PDE1C: variants seen among roughly 807,000 people sequenced by gnomAD.
PDE1C encodes the protein dual specificity calcium/calmodulin-dependent 3',5'-cyclic nucleotide phosphodiesterase 1C.
PDE1C carries 62 observed loss-of-function variants against 93.1 expected under a neutral mutation model. The ratio of observed to expected loss-of-function variants is 0.67; its 90% CI spans 0.54 to 0.82. The LOEUF is 0.82. PDE1C is among the 40% of genes least tolerant of loss of function. The pLI, the probability that PDE1C is intolerant of heterozygous loss-of-function variation, is 0.00. For synonymous variants in PDE1C, 325 were observed against 310.1 expected (o/e 1.05, Z -0.50); for missense variants, 742 against 884.6 (o/e 0.84, Z 2.04).
the PDE1C span, among the ~76,000 whole-genome samples, chr7:31,624,642 A>C: frequency 3.3e-5 from 5 of 149,550 alleles, no homozygotes; most frequent in East Asian, 2.0e-4. Flanking sequence ...TAAAGACTTA[A>C]ACGTTAGACC....
At chr7:31,708,011 T>C in the PDE1C span, 1 of 152,230 alleles carries the variant, frequency 6.6e-6, no homozygotes, top group Non-Finnish European at 1.5e-5. Context: ...GTGAGTTGTG[T>C]CACAAGTGAG....
intron 2 of PDE1C, among the ~76,000 whole-genome samples, chr7:32,197,106 C>T (rs1804680680): frequency 6.6e-6 from 1 of 152,104 alleles, no homozygotes; most frequent in Admixed American, 6.6e-5. Context: ...ATGCTTCCTT[C>T]AACTAGAAAT....
chr7:31,986,926 A>AT (rs1297108214), intron 2 of PDE1C, among the ~76,000 whole-genome samples: 19 of 125,244 alleles, frequency 1.5e-4, no homozygotes, highest in African/African-American at 6.0e-4. Context: ...TTCATTGAAC[A>AT]CGAACACACA....
In PDE1C at chr7:32,258,973, G is replaced by A. The variant is rs540792510; in HGVS notation, c.85+39678C>T. Among the ~76,000 whole-genome samples, 9 of 152,280 alleles carry A rather than the reference G, an allele frequency of 5.9e-5. No homozygotes were observed. The South Asian group carries it at 1.9e-3, about 32-fold the overall frequency. ...GATTGAAAGAGGGAATGTCCATGGT[G>A]CGCCCAGGACTGAGGAGGTCCTCAG... is the stretch of plus-strand genomic sequence containing the variant. On this transcript the variant is annotated intron_variant, in intron 1 of 18. Coordinates refer to the PDE1C transcript ENST00000396193.
the PDE1C span, chr7:31,651,903 T>G: frequency 6.2e-6 from 9 of 1,449,164 alleles, no homozygotes; most frequent in Non-Finnish European, 7.6e-6. Flanking sequence ...TGGGAAGGAT[T>G]GTTAAATTTG....
intron 1 of PDE1C, among the ~76,000 whole-genome samples, chr7:32,261,749 G>A (rs532282224): frequency 1.3e-5 from 2 of 152,216 alleles, no homozygotes; most frequent in East Asian, 3.8e-4. Context: ...AGAACAATGT[G>A]AATCAGAAAA....
intron 2 of PDE1C, among the ~76,000 whole-genome samples, chr7:31,977,989 T>A (rs993422008): frequency 6.6e-6 from 1 of 152,152 alleles, no homozygotes; most frequent in Non-Finnish European, 1.5e-5. Flanking sequence ...AGAACTACAA[T>A]CATCCTCACT....
intron 1 of PDE1C, among the ~76,000 whole-genome samples, chr7:32,325,519 C>T (rs1783388485): frequency 6.6e-6 from 1 of 152,226 alleles, no homozygotes; most frequent in African/African-American, 2.4e-5. Flanking sequence ...ACACCTTTTC[C>T]TCTGTTCTAC....
the PDE1C span, among the ~76,000 whole-genome samples, chr7:31,638,767 CTTTT>C: frequency 2.6e-5 from 4 of 151,864 alleles, no homozygotes; most frequent in Non-Finnish European, 4.4e-5. Context: ...ATTTTTCTTT[CTTTT>C]GTTTTTCGTT....
chr7:31,958,027 T>G (rs2129026433), intron 2 of PDE1C, among the ~76,000 whole-genome samples: 1 of 152,322 alleles, frequency 6.6e-6, no homozygotes, highest in African/African-American at 2.4e-5. Context: ...TTCTAAACCT[T>G]AAATATACTG....
At chr7:32,014,681 A>G (rs1324122002) in intron 2 of PDE1C, among the ~76,000 whole-genome samples, 2 of 151,562 alleles carry the variant, frequency 1.3e-5, no homozygotes, top group African/African-American at 4.9e-5. Context: ...TCATTGTTCA[A>G]CTCCCACTTA....
chr7:32,161,065 G>A (rs1015709529), intron 3 of PDE1C, among the ~76,000 whole-genome samples: 1 of 152,114 alleles, frequency 6.6e-6, no homozygotes, highest in Non-Finnish European at 1.5e-5. Context: ...CTTTTCATAG[G>A]AGGTTCGTGA....
chr7:32,306,175 A>C (rs6967626), intron 1 of PDE1C, among the ~76,000 whole-genome samples: 40,972 of 151,970 alleles, frequency 0.27, 5,768 homozygotes, highest in African/African-American at 0.32. Flanking sequence ...CCATGTGGAA[A>C]TGTGTGTCCG....
At chr7:32,283,865 T>C (rs182725116) in intron 1 of PDE1C, among the ~76,000 whole-genome samples, 1 of 152,324 alleles carries the variant, frequency 6.6e-6, no homozygotes, top group Admixed American at 6.5e-5. Context: ...AGAACTCCAA[T>C]GCCTGATTCA....
chr7:31,758,888 C>A (rs11973166), intron 17 of PDE1C, among the ~76,000 whole-genome samples: 67,007 of 151,822 alleles, frequency 0.44, 15,204 homozygotes, highest in African/African-American at 0.5. Flanking sequence ...TTCAAGTCAC[C>A]GTCCCTCTCC....
intron 3 of PDE1C, among the ~76,000 whole-genome samples, chr7:31,879,716 T>C (rs1486802671): frequency 6.6e-6 from 1 of 152,246 alleles, no homozygotes; most frequent in Non-Finnish European, 1.5e-5. Context: ...TGCAGTTCTT[T>C]ATTTGCGCAC....
rs773489137 is a variant in PDE1C, at chr7:32,042,071, G to A, written c.128+9483C>T. Among the ~76,000 whole-genome samples the A allele has an allele frequency of 3.3e-5, 5 of 152,158 alleles. No individual in the cohort carries two copies. In the East Asian group the frequency reaches 9.6e-4, roughly 29 times the overall value. ...TCCCAGCACTTTGAAAGGCCAAGGC[G>A]GGTGGATCACTTGAGGTCAGGAGTT... On this transcript the variant is annotated intron_variant, in intron 2 of 17. Transcript: ENST00000396191.
chr7:31,721,180 C>G, the PDE1C span, among the ~76,000 whole-genome samples: 1 of 152,152 alleles, frequency 6.6e-6, no homozygotes, highest in Non-Finnish European at 1.5e-5. Flanking sequence ...AGGAAGAGGT[C>G]AGCAGGAAGA....
At chr7:31,921,201 G>A (rs1454022653) in intron 2 of PDE1C, among the ~76,000 whole-genome samples, 4 of 152,192 alleles carry the variant, frequency 2.6e-5, no homozygotes, top group Non-Finnish European at 5.9e-5. Flanking sequence ...AGTTCTAGAT[G>A]TGACTTAGTT....
Sources: allele counts gnomAD v4.1 joint callset (sites outside exome capture counted in the v4.1 genomes callset), GRCh38; gene constraint gnomAD v4.1.1; transcripts MANE v1.5; gene names NCBI Gene and HGNC (gene_info 2026-07-23, HGNC 2026-07-21).